The following NCK2 variants were observed in gnomAD, a reference collection of about 807,000 sequenced individuals.
NCK2 encodes cytoplasmic protein NCK2.
A neutral mutation model predicts 33.9 loss-of-function variants in NCK2; 16 were observed. The ratio of observed to expected loss-of-function variants is 0.47; its 90% confidence interval spans 0.32 to 0.72. The LOEUF is 0.72. Ranked by LOEUF, NCK2 falls within the 30% of genes least tolerant of loss-of-function variation. The pLI is 0.03. For missense variants in NCK2, 418 were observed against 537.3 expected, an observed-to-expected ratio of 0.78 and a Z score of 2.19; for synonymous variants, 273 against 239.9, an observed-to-expected ratio of 1.14 and a Z score of -1.27.
intron 1 of NCK2, among the ~76,000 whole-genome samples, chr2:105,779,645 G>A (rs1034616536): frequency 1.3e-5 from 2 of 152,080 alleles, no homozygotes; most frequent in Admixed American, 6.5e-5. Flanking sequence ...CTTGCTCTCC[G>A]CCCACGGGAG....
chr2:105,832,284 T>C (rs1676226940), intron 2 of NCK2, among the ~76,000 whole-genome samples: 1 of 152,228 alleles, frequency 6.6e-6, no homozygotes, highest in Non-Finnish European at 1.5e-5. Context: ...GCTGGAATTT[T>C]CCGTTTTCTT....
chr2:105,824,673 G>T (rs1483280019), intron 2 of NCK2, among the ~76,000 whole-genome samples: 2 of 152,198 alleles, frequency 1.3e-5, no homozygotes, highest in Non-Finnish European at 2.9e-5. Context: ...TCACTGGGGC[G>T]TGCTCATGTG....
chr2:105,878,009 A>G (rs935211546), intron 3 of NCK2, among the ~76,000 whole-genome samples: 1 of 152,236 alleles, frequency 6.6e-6, no homozygotes, highest in Non-Finnish European at 1.5e-5. Flanking sequence ...ACCAGCAGCT[A>G]CATACAACAT....
chr2:105,806,301 G>A (rs904783924), intron 1 of NCK2, among the ~76,000 whole-genome samples: 6 of 145,600 alleles, frequency 4.1e-5, no homozygotes, highest in South Asian at 4.3e-4. Flanking sequence ...GCAGTGGCAC[G>A]ATCTCTGCTC....
chr2:105,753,581 G>C (rs1485831642), intron 1 of NCK2, among the ~76,000 whole-genome samples: 1 of 152,202 alleles, frequency 6.6e-6, no homozygotes, highest in East Asian at 1.9e-4. Flanking sequence ...TAGCTGTGTG[G>C]TGGGTCCCCA....
At chr2:105,868,694 T>C (rs1399246361) in intron 3 of NCK2, among the ~76,000 whole-genome samples, 1 of 152,252 alleles carries the variant, frequency 6.6e-6, no homozygotes, top group African/African-American at 2.4e-5. Flanking sequence ...TTGATCCCCT[T>C]GTGCTTCTAC....
chr2:105,825,261 G>A (rs1487549256), intron 2 of NCK2, among the ~76,000 whole-genome samples: 1 of 152,108 alleles, frequency 6.6e-6, no homozygotes, highest in Non-Finnish European at 1.5e-5. Context: ...TGCTGTTAAC[G>A]CTGATCTTCC....
intron 3 of NCK2, chr2:105,855,830 CTCT>C (rs549745802): frequency 9.6e-6 from 1 of 104,180 alleles, no homozygotes; most frequent in Non-Finnish European, 1.7e-5. Flanking sequence ...CCCCATGTGC[CTCT>C]TTTTTTTTTT....
At chr2:105,862,231 T>C (rs1376727443) in intron 3 of NCK2, among the ~76,000 whole-genome samples, 1 of 152,152 alleles carries the variant, frequency 6.6e-6, no homozygotes, top group Non-Finnish European at 1.5e-5. Context: ...GGCTTCAGAC[T>C]AGTGGGAAGG....
At chr2:105,772,260 T>C (rs1690159110) in intron 1 of NCK2, among the ~76,000 whole-genome samples, 1 of 152,148 alleles carries the variant, frequency 6.6e-6, no homozygotes, top group African/African-American at 2.4e-5. Context: ...GATTTTTAAC[T>C]TTCTCAAGGC....
intron 2 of NCK2, among the ~76,000 whole-genome samples, chr2:105,841,997 G>T (rs1404166673): frequency 6.6e-6 from 1 of 152,212 alleles, no homozygotes; most frequent in Non-Finnish European, 1.5e-5. Context: ...GGCACTAGCT[G>T]CCCTGGGGCA....
At chr2:105,824,169 C>T (rs545693536) in intron 2 of NCK2, among the ~76,000 whole-genome samples, 1 of 151,236 alleles carries the variant, frequency 6.6e-6, no homozygotes, top group East Asian at 1.9e-4. Flanking sequence ...TACCTTATTT[C>T]ACATGTGTGA....
intron 1 of NCK2, among the ~76,000 whole-genome samples, chr2:105,811,000 C>T (rs545285761): frequency 6.6e-6 from 1 of 152,042 alleles, no homozygotes; most frequent in South Asian, 2.1e-4. Context: ...ATGGTGAAAC[C>T]CCGTCTCTAC....
chr2:105,888,173 C>A (rs1358413185), intron 4 of NCK2, among the ~76,000 whole-genome samples: 3 of 152,086 alleles, frequency 2.0e-5, no homozygotes, highest in Non-Finnish European at 4.4e-5. Context: ...TCCTTAGATT[C>A]CACTTGGAAA....
intron 3 of NCK2, among the ~76,000 whole-genome samples, chr2:105,871,610 C>A (rs1678013683): frequency 6.6e-6 from 1 of 152,088 alleles, no homozygotes; most frequent in African/African-American, 2.4e-5. Context: ...ATTCTCCTGC[C>A]TCAGCCTCCC....
At chr2:105,839,944 A>G (rs1676577547) in intron 2 of NCK2, among the ~76,000 whole-genome samples, 1 of 152,194 alleles carries the variant, frequency 6.6e-6, no homozygotes, top group South Asian at 2.1e-4. Flanking sequence ...TGTGTTTCCC[A>G]GAAAGGCTGG....
chr2:105,855,930 G>C (rs907359418), intron 3 of NCK2, among the ~76,000 whole-genome samples: 1 of 149,570 alleles, frequency 6.7e-6, no homozygotes, highest in South Asian at 2.1e-4. Context: ...CACCTCCTGG[G>C]TTCACACCAT....
At chr2:105,765,809 G>C (rs1354770223) in intron 1 of NCK2, among the ~76,000 whole-genome samples, 1 of 151,600 alleles carries the variant, frequency 6.6e-6, no homozygotes, top group Non-Finnish European at 1.5e-5. Flanking sequence ...GTGTGTGTGT[G>C]TGTGTGTCTG....
At chr2:105,781,388 C>T (rs115708103) in intron 1 of NCK2, among the ~76,000 whole-genome samples, 2 of 152,332 alleles carry the variant, frequency 1.3e-5, no homozygotes, top group Non-Finnish European at 2.9e-5. Context: ...TCCCACACTG[C>T]AAGACTTGAC....
Sources: allele counts gnomAD v4.1 joint callset (sites outside exome capture counted in the v4.1 genomes callset), GRCh38; gene constraint gnomAD v4.1.1; transcripts MANE v1.5; gene names NCBI Gene and HGNC (gene_info 2026-07-23, HGNC 2026-07-21).